ANO6: variants seen among roughly 807,000 people sequenced by gnomAD.
ANO6 encodes anoctamin 6.
ANO6 carries 106 observed loss-of-function variants against 117.5 expected under a neutral mutation model. That is an observed-to-expected ratio of 0.90 (90% confidence interval 0.77 to 1.06). The LOEUF (loss-of-function observed/expected upper bound fraction) is 1.06, where lower values mean the gene tolerates loss of function less well. Ranked by LOEUF, ANO6 falls within the 50% of genes least tolerant of loss-of-function variation. The pLI is 0.00. For missense variants in ANO6, 955 were observed against 1,121.1 expected, an observed-to-expected ratio of 0.85 and a Z score of 2.12; for synonymous variants, 367 against 385.1, an observed-to-expected ratio of 0.95 and a Z score of 0.55.
rs776242557 is a variant in ANO6 at position 45,430,720 on chromosome 12, C to T, written c.*1409C>T. 6 of 985,298 alleles carry T rather than the reference C, an allele frequency of 6.1e-6. No homozygotes were observed. The highest frequency in any genetic ancestry group is 7.2e-6 in the Non-Finnish European group (6 of 829,958). 61.0% of individuals were successfully genotyped at this position (985,298 alleles called of 1,614,324 possible). A position where few individuals can be genotyped will look rare whatever the true frequency, so the allele number is the denominator to read the frequency against. ...CCTGCTGCACTCCTGTCTTGCCATG[C>T]ACGTCTTGCCCCCTCACTTTTGCTC... On this transcript the variant is annotated 3_prime_UTR_variant, in exon 20 of 20. Coordinates refer to ENST00000320560, the MANE Select transcript of ANO6 (RefSeq NM_001025356.3).
chr12:45,298,276 G>A (rs1033364704), intron 1 of ANO6, among the ~76,000 whole-genome samples: 1 of 152,000 alleles, frequency 6.6e-6, no homozygotes, highest in African/African-American at 2.4e-5. Context: ...CATAGTGACA[G>A]GACTAAAAAT....
intron 1 of ANO6, among the ~76,000 whole-genome samples, chr12:45,238,061 C>G (rs1947675124): frequency 6.6e-6 from 1 of 151,818 alleles, no homozygotes; most frequent in Non-Finnish European, 1.5e-5. Flanking sequence ...GATTTTTGCA[C>G]ATTGATTTTG....
At chr12:45,219,381 G>T (rs1360112320) in intron 1 of ANO6, among the ~76,000 whole-genome samples, 1 of 152,138 alleles carries the variant, frequency 6.6e-6, no homozygotes, top group Non-Finnish European at 1.5e-5. Flanking sequence ...CCTCTGTCAG[G>T]CTGGAGTGCA....
chr12:45,228,137 T>G (rs1381748323), intron 1 of ANO6: 1 of 395,664 alleles, frequency 2.5e-6, no homozygotes, highest in Non-Finnish European at 4.9e-6. Context: ...TTTTTTTTTT[T>G]TTTTTTGACA....
At chr12:45,432,608 A>G (rs187510375), downstream of ANO6, among the ~76,000 whole-genome samples, 1 of 152,346 alleles carries the variant, frequency 6.6e-6, no homozygotes, top group African/African-American at 2.4e-5. Context: ...ACCACTTTTT[A>G]CCAGACTTTT....
chr12:45,309,853 C>T (rs1939793929), intron 2 of ANO6, among the ~76,000 whole-genome samples: 1 of 151,978 alleles, frequency 6.6e-6, no homozygotes, highest in South Asian at 2.1e-4. Flanking sequence ...TGGCCTTAAG[C>T]TTGCCAAACT....
chr12:45,268,533 A>G (rs1938292319), intron 1 of ANO6, among the ~76,000 whole-genome samples: 1 of 152,174 alleles, frequency 6.6e-6, no homozygotes, highest in Non-Finnish European at 1.5e-5. Flanking sequence ...AATTAAATAA[A>G]TAAATAAATA....
intron 1 of ANO6, among the ~76,000 whole-genome samples, chr12:45,243,419 A>T (rs187899603): frequency 5.3e-5 from 8 of 152,352 alleles, no homozygotes; most frequent in African/African-American, 1.9e-4. Flanking sequence ...TAAAATTACC[A>T]CTTTCTTAGT....
intron 8 of ANO6, among the ~76,000 whole-genome samples, chr12:45,365,456 C>T (rs992661593): frequency 2.6e-5 from 4 of 152,186 alleles, no homozygotes; most frequent in African/African-American, 9.6e-5. Flanking sequence ...TAATTCTTGC[C>T]GATTGCTTTC....
At chr12:45,314,031 G>A (rs1592951482) in intron 2 of ANO6, among the ~76,000 whole-genome samples, 1 of 152,146 alleles carries the variant, frequency 6.6e-6, no homozygotes, top group Non-Finnish European at 1.5e-5. Flanking sequence ...GTCTGACAGT[G>A]TTAGTCGTGC....
At chr12:45,323,898 T>G (rs1199577319) in intron 2 of ANO6, among the ~76,000 whole-genome samples, 1 of 151,816 alleles carries the variant, frequency 6.6e-6, no homozygotes, top group Non-Finnish European at 1.5e-5. Flanking sequence ...GCTGAAAACA[T>G]TTTTTCATCA....
At chr12:45,262,155 C>A (rs1049935619) in intron 1 of ANO6, among the ~76,000 whole-genome samples, 1 of 152,066 alleles carries the variant, frequency 6.6e-6, no homozygotes, top group Non-Finnish European at 1.5e-5. Context: ...CCAACACTAC[C>A]CCTCAAAGAT....
At chr12:45,400,904 T>A (rs1201303580) in intron 12 of ANO6, among the ~76,000 whole-genome samples, 1 of 152,186 alleles carries the variant, frequency 6.6e-6, no homozygotes, top group Non-Finnish European at 1.5e-5. Context: ...GGGGAAACAG[T>A]TTAAAGATGC....
chr12:45,339,809 T>G (rs11182986), intron 3 of ANO6, among the ~76,000 whole-genome samples: 10,605 of 152,156 alleles, frequency 0.07, 574 homozygotes, highest in East Asian at 0.32. Context: ...TGCGTTTTTG[T>G]AGGTTAAAAA....
At chr12:45,414,904 C>T (rs1031665206) in intron 16 of ANO6, among the ~76,000 whole-genome samples, 1 of 152,178 alleles carries the variant, frequency 6.6e-6, no homozygotes, top group African/African-American at 2.4e-5. Context: ...GCTGAGACTA[C>T]AGGCTCGTAC....
chr12:45,429,748 C>A lies in ANO6; in HGVS notation c.*437C>A. 1 of 1,018,496 alleles carries A rather than the reference C, an allele frequency of 9.8e-7. No homozygotes were observed. Among genetic ancestry groups the A allele is most frequent in the Non-Finnish European group, 1.2e-6 (1 of 852,028 alleles). 63.1% of individuals were successfully genotyped at this position (1,018,496 alleles called of 1,614,324 possible). ...CCAGGGTCATCTTTTCCTTACAGTACCATCATTATAGATTTAATTTAATAG... is the reference window on the plus strand; with the variant it reads ...CCAGGGTCATCTTTTCCTTACAGTAACATCATTATAGATTTAATTTAATAG... On this transcript the variant is annotated 3_prime_UTR_variant, in exon 20 of 20. Coordinates refer to ENST00000320560, the MANE Select transcript of ANO6 (RefSeq NM_001025356.3).
At chr12:45,365,321 T>G (rs1342445122) in intron 8 of ANO6, among the ~76,000 whole-genome samples, 3 of 152,066 alleles carry the variant, frequency 2.0e-5, no homozygotes, top group Non-Finnish European at 4.4e-5. Flanking sequence ...CCTTCTGCAA[T>G]CTCAGGAATA....
chr12:45,439,896 G>T, exon 20 of ANO6: 1 of 1,513,564 alleles, frequency 6.6e-7, no homozygotes, highest in Non-Finnish European at 8.8e-7. Context: ...TACTTTCTTT[G>T]GGGCCAACTC....
intron 16 of ANO6, among the ~76,000 whole-genome samples, chr12:45,412,399 A>G (rs1268950378): frequency 1.3e-5 from 2 of 152,104 alleles, no homozygotes; most frequent in African/African-American, 4.8e-5. Context: ...ATCTGTCTCC[A>G]AGTTAATTTT....
Sources: allele counts gnomAD v4.1 joint callset (sites outside exome capture counted in the v4.1 genomes callset), GRCh38; gene constraint gnomAD v4.1.1; transcripts MANE v1.5; gene names NCBI Gene and HGNC (gene_info 2026-07-23, HGNC 2026-07-21).